The following IRAK1BP1 variants were observed in gnomAD, a reference collection of about 807,000 sequenced individuals.
IRAK1BP1 encodes interleukin-1 receptor-associated kinase 1-binding protein 1.
A neutral mutation model predicts 28.0 loss-of-function variants in IRAK1BP1; 24 were observed. The observed-to-expected ratio is 0.86, with a 90% CI of 0.62 to 1.20. The LOEUF is 1.20. Among genes scored for constraint, IRAK1BP1 ranks in the 50% most tolerant of loss-of-function variants. The pLI is 0.00. For missense variants in IRAK1BP1, 336 were observed against 316.7 expected, an observed-to-expected ratio of 1.06 and a Z score of -0.46; for synonymous variants, 131 against 116.3, an observed-to-expected ratio of 1.13 and a Z score of -0.81.
exon 5 of IRAK1BP1, chr6:78,945,434 C>T: frequency 1.2e-6 from 2 of 1,611,758 alleles, no homozygotes; most frequent in African/African-American, 1.3e-5. Flanking sequence ...ATGACTAAAA[C>T]TGGATTGACC....
At chr6:78,966,111 G>T in the IRAK1BP1 span, 1 of 1,088,770 alleles carries the variant, frequency 9.2e-7, no homozygotes, top group Non-Finnish European at 1.4e-6. Context: ...TGCTGTCACT[G>T]CTTTTTCCTA....
intron 4 of IRAK1BP1, among the ~76,000 whole-genome samples, chr6:78,919,670 T>TA (rs1299721815): frequency 6.6e-6 from 1 of 152,124 alleles, no homozygotes; most frequent in Non-Finnish European, 1.5e-5. Context: ...AATGGATCAA[T>TA]ATTAAGTTCC....
intron 4 of IRAK1BP1, among the ~76,000 whole-genome samples, chr6:78,923,412 G>C (rs7760866): frequency 0.46 from 69,235 of 151,922 alleles, 16,358 homozygotes; most frequent in East Asian, 0.69. Context: ...CACCCAGATT[G>C]ATAAAGCAAG....
At chr6:78,974,915 T>A in the IRAK1BP1 span, among the ~76,000 whole-genome samples, 1 of 151,760 alleles carries the variant, frequency 6.6e-6, no homozygotes, top group Non-Finnish European at 1.5e-5. Context: ...CAGGATCAGA[T>A]GGATTCACAG....
intron 1 of IRAK1BP1, 125 bp downstream of exon 1, chr6:78,868,016 T>G: frequency 9.6e-7 from 1 of 1,044,430 alleles, no homozygotes; most frequent in Non-Finnish European, 1.4e-6. Flanking sequence ...TAGGACGCGT[T>G]TGTTGCAAAG....
At chr6:78,965,787 T>C in the IRAK1BP1 span, 1 of 1,384,858 alleles carries the variant, frequency 7.2e-7, no homozygotes, top group Non-Finnish European at 1.0e-6. Flanking sequence ...AAAATCATTA[T>C]ATTAAAAAAT....
the IRAK1BP1 span, chr6:78,957,715 T>C: frequency 1.3e-5 from 2 of 151,926 alleles, no homozygotes; most frequent in Non-Finnish European, 2.9e-5. Flanking sequence ...AATAATGACA[T>C]GGAATCACAG....
At chr6:78,962,102 T>C in the IRAK1BP1 span, among the ~76,000 whole-genome samples, 1 of 152,192 alleles carries the variant, frequency 6.6e-6, no homozygotes, top group East Asian at 1.9e-4. Context: ...ATTGCCGTAA[T>C]TGACAGTTGG....
chr6:78,970,856 A>G, the IRAK1BP1 span: 2 of 1,610,782 alleles, frequency 1.2e-6, no homozygotes, highest in Admixed American at 3.4e-5. Flanking sequence ...CCATTTCGAC[A>G]TAGGCTTCAT....
At chr6:78,915,559 C>G (rs1439724227) in intron 4 of IRAK1BP1, among the ~76,000 whole-genome samples, 6 of 152,170 alleles carry the variant, frequency 3.9e-5, no homozygotes, top group African/African-American at 1.4e-4. Context: ...CACAGGGATA[C>G]CTAAGTTGGT....
chr6:78,946,923 C>G (rs773570561), downstream of IRAK1BP1: 1 of 1,183,866 alleles, frequency 8.4e-7, no homozygotes, highest in South Asian at 1.4e-5. Flanking sequence ...AGGAAAATAC[C>G]TTTGTTCAGT....
the IRAK1BP1 span, among the ~76,000 whole-genome samples, chr6:78,963,413 C>T: frequency 1.3e-5 from 2 of 152,078 alleles, no homozygotes; most frequent in East Asian, 1.9e-4. Context: ...TTAAGGGTCA[C>T]TAAAATTTAA....
chr6:78,882,550 T>C (rs988775663), intron 1 of IRAK1BP1, among the ~76,000 whole-genome samples: 5 of 152,202 alleles, frequency 3.3e-5, no homozygotes, highest in African/African-American at 1.2e-4. Context: ...CTCTATGGTA[T>C]TCTTTCCTAA....
the IRAK1BP1 span, among the ~76,000 whole-genome samples, chr6:78,960,822 A>C: frequency 9.9e-5 from 15 of 152,114 alleles, no homozygotes; most frequent in Non-Finnish European, 2.1e-4. Context: ...AATAAAATTT[A>C]AGTCATAAAA....
At chr6:78,922,159 G>T (rs1193836263) in intron 4 of IRAK1BP1, among the ~76,000 whole-genome samples, 2 of 152,316 alleles carry the variant, frequency 1.3e-5, no homozygotes, top group East Asian at 1.9e-4. Flanking sequence ...CCATGGCAAA[G>T]AAGTTAAAAG....
downstream of IRAK1BP1, chr6:78,946,687 T>C (rs1773837746): frequency 1.3e-6 from 2 of 1,526,282 alleles, no homozygotes; most frequent in Non-Finnish European, 1.7e-6. Context: ...GATCAGCTAG[T>C]GGTATTTAAA....
At chr6:78,895,179 C>A (rs1292820907) in intron 2 of IRAK1BP1, among the ~76,000 whole-genome samples, 12 of 151,274 alleles carry the variant, frequency 7.9e-5, no homozygotes, top group African/African-American at 2.4e-4. Context: ...AATTAAAAAC[C>A]AGTAATAGAA....
Position 78,898,128 on chromosome 6 carries a change from G to A in IRAK1BP1, c.577G>A (p.Val193Ile), listed in dbSNP as rs146319639. 1.9e-6 allele frequency: 3 copies of A among 1,613,848 alleles called. No homozygotes were observed. The highest frequency in any genetic ancestry group is 3.3e-5 in the Admixed American group (2 of 59,990). The change falls in exon 4 of 4, where the codon GTT becomes ATT. Residue 193 changes from valine to isoleucine, a missense_variant. Coordinates refer to ENST00000369940, the MANE Select transcript of IRAK1BP1 (RefSeq NM_001010844.4). ...WRKAQEVCNLVGQTLGKPLLI... is the reference protein window; with the variant it reads ...WRKAQEVCNLIGQTLGKPLLI... Reference sequence around the variant, plus strand: ...CAAAGCTCAAGAAGTCTGTAACCTTGTTGGCCAAACCTTAGGAAAACCTTT... The same window carrying A: ...CAAAGCTCAAGAAGTCTGTAACCTTATTGGCCAAACCTTAGGAAAACCTTT...
chr6:78,895,280 G>T (rs1211201784), intron 2 of IRAK1BP1, among the ~76,000 whole-genome samples: 1 of 152,042 alleles, frequency 6.6e-6, no homozygotes, highest in East Asian at 1.9e-4. Flanking sequence ...AAGGAAACTA[G>T]AAAGTGTATA....
Sources: allele counts gnomAD v4.1 joint callset (sites outside exome capture counted in the v4.1 genomes callset), GRCh38; gene constraint gnomAD v4.1.1; transcripts MANE v1.5; gene names NCBI Gene and HGNC (gene_info 2026-07-23, HGNC 2026-07-21).